Variants in GRID2 observed in about 807,000 individuals in gnomAD.
GRID2 encodes glutamate receptor ionotropic, delta-2.
GRID2 carries 33 observed loss-of-function variants against 114.8 expected under a neutral mutation model. The ratio of observed to expected loss-of-function variants is 0.29; its 90% CI spans 0.22 to 0.38. The LOEUF is 0.38. Among genes scored for constraint, GRID2 ranks in the 10% least tolerant of loss-of-function variants. The pLI, the probability that GRID2 is intolerant of heterozygous loss-of-function variation, is 1.00. For missense variants in GRID2, 1,184 were observed against 1,257.7 expected (o/e 0.94, Z 0.89); for synonymous variants, 505 against 449.9 (o/e 1.12, Z -1.55).
intron 2 of GRID2, among the ~76,000 whole-genome samples, chr4:92,951,620 G>T (rs1209963918): frequency 1.3e-5 from 2 of 151,986 alleles, no homozygotes; most frequent in African/African-American, 4.8e-5. Flanking sequence ...GGGCCACTGT[G>T]CCCATCCAAA....
intron 14 of GRID2, among the ~76,000 whole-genome samples, chr4:93,755,064 T>C (rs1311394397): frequency 6.6e-6 from 1 of 152,194 alleles, no homozygotes; most frequent in African/African-American, 2.4e-5. Flanking sequence ...TAGCAAGTAG[T>C]TCTCATGAAC....
chr4:92,919,670 G>A (rs540376411), intron 2 of GRID2, among the ~76,000 whole-genome samples: 11 of 152,288 alleles, frequency 7.2e-5, no homozygotes, highest in Admixed American at 2.6e-4. Flanking sequence ...TTTTGAGTGA[G>A]TTTCTTAATC....
intron 1 of GRID2, among the ~76,000 whole-genome samples, chr4:92,369,699 T>TAG (rs1447825574): frequency 6.6e-6 from 1 of 152,218 alleles, no homozygotes; most frequent in Non-Finnish European, 1.5e-5. Flanking sequence ...GTTGTACATT[T>TAG]AGGATCTTGG....
intron 1 of GRID2, among the ~76,000 whole-genome samples, chr4:92,345,203 T>C (rs1409444159): frequency 6.6e-6 from 1 of 152,042 alleles, no homozygotes. Context: ...AGAGAGAACA[T>C]GTGATGTTTG....
At chr4:92,662,427 A>C (rs1732564852) in intron 2 of GRID2, among the ~76,000 whole-genome samples, 1 of 151,038 alleles carries the variant, frequency 6.6e-6, no homozygotes, top group African/African-American at 2.4e-5. Context: ...AATAAGAAAA[A>C]TTCAGGAAAT....
At chr4:93,708,682 A>C (rs182527007) in intron 14 of GRID2, among the ~76,000 whole-genome samples, 302 of 152,108 alleles carry the variant, frequency 2.0e-3, no homozygotes, top group African/African-American at 6.9e-3. Context: ...ATTATTGACA[A>C]GTAAGGACTT....
At chr4:93,136,398 G>T (rs1015893820) in intron 4 of GRID2, among the ~76,000 whole-genome samples, 2 of 152,002 alleles carry the variant, frequency 1.3e-5, no homozygotes, top group Admixed American at 6.6e-5. Flanking sequence ...TGTGGCCAAA[G>T]CTTCTGAGGA....
At chr4:93,738,525 G>T (rs1264061735) in intron 14 of GRID2, among the ~76,000 whole-genome samples, 1 of 152,092 alleles carries the variant, frequency 6.6e-6, no homozygotes, top group Non-Finnish European at 1.5e-5. Context: ...ACTAGGGGAA[G>T]ACTTAATAAA....
intron 1 of GRID2, among the ~76,000 whole-genome samples, chr4:92,468,825 G>A (rs1326229790): frequency 2.0e-5 from 3 of 152,116 alleles, no homozygotes; most frequent in African/African-American, 4.8e-5. Context: ...GGACATGAAC[G>A]AAGAAGAAGA....
intron 13 of GRID2, among the ~76,000 whole-genome samples, chr4:93,596,083 G>C (rs1228449078): frequency 6.6e-6 from 1 of 152,058 alleles, no homozygotes; most frequent in Non-Finnish European, 1.5e-5. Context: ...ATATGTAAAG[G>C]CTATGCACTT....
chr4:92,996,228 T>G (rs983961586), intron 2 of GRID2, among the ~76,000 whole-genome samples: 1 of 151,828 alleles, frequency 6.6e-6, no homozygotes, highest in Admixed American at 6.6e-5. Context: ...AAGCAGAGGT[T>G]GCAGTGAGCC....
At chr4:92,949,690 A>G (rs901310053) in intron 2 of GRID2, among the ~76,000 whole-genome samples, 1 of 151,736 alleles carries the variant, frequency 6.6e-6, no homozygotes, top group Non-Finnish European at 1.5e-5. Context: ...CGGAGCACTC[A>G]ATGAGGTCAA....
intron 2 of GRID2, among the ~76,000 whole-genome samples, chr4:92,984,778 T>C (rs1028911292): frequency 6.6e-6 from 1 of 152,150 alleles, no homozygotes; most frequent in Non-Finnish European, 1.5e-5. Flanking sequence ...TCTTTTTTTT[T>C]TTTTCCCAGT....
chr4:93,195,014 T>C (rs1255503249), intron 4 of GRID2, among the ~76,000 whole-genome samples: 1 of 152,174 alleles, frequency 6.6e-6, no homozygotes, highest in African/African-American at 2.4e-5. Flanking sequence ...AGAAGACAAT[T>C]CCTATGGACA....
At chr4:93,660,079 CTT>C (rs2149735785) in intron 14 of GRID2, among the ~76,000 whole-genome samples, 1 of 151,704 alleles carries the variant, frequency 6.6e-6, no homozygotes, top group South Asian at 2.1e-4. Flanking sequence ...TAGAAGAAGA[CTT>C]AAATAATTAC....
intron 4 of GRID2, among the ~76,000 whole-genome samples, chr4:93,169,433 TACTA>T (rs1256665154): frequency 1.3e-5 from 2 of 152,196 alleles, no homozygotes; most frequent in Non-Finnish European, 2.9e-5. Flanking sequence ...TCCAGTGATT[TACTA>T]ACTTTGTTGT....
At chr4:93,079,853 G>A (rs1729696221) in intron 2 of GRID2, among the ~76,000 whole-genome samples, 1 of 152,038 alleles carries the variant, frequency 6.6e-6, no homozygotes. Flanking sequence ...TTCATTTGAT[G>A]GCTGGTGATC....
chr4:93,625,996 A>G (rs1169067369), intron 13 of GRID2, among the ~76,000 whole-genome samples: 2 of 152,240 alleles, frequency 1.3e-5, no homozygotes, highest in Admixed American at 1.3e-4. Context: ...AGGTATCATA[A>G]GTAATCTAGA....
chr4:93,746,194 T>C (rs1731826411), intron 14 of GRID2, among the ~76,000 whole-genome samples: 1 of 152,118 alleles, frequency 6.6e-6, no homozygotes, highest in African/African-American at 2.4e-5. Flanking sequence ...GTAGAAAGGC[T>C]AAGTCACTAA....
Sources: allele counts gnomAD v4.1 joint callset (sites outside exome capture counted in the v4.1 genomes callset), GRCh38; gene constraint gnomAD v4.1.1; transcripts MANE v1.5; gene names NCBI Gene and HGNC (gene_info 2026-07-23, HGNC 2026-07-21).